PXDNL: variants seen among roughly 807,000 people sequenced by gnomAD.
PXDNL encodes the protein peroxidasin like, also known as probable oxidoreductase PXDNL.
In PXDNL, 145 loss-of-function variants were observed where a neutral mutation model predicts 150.8. The observed-to-expected ratio is 0.96, with a 90% CI of 0.84 to 1.10. The LOEUF is 1.10. Ranked by LOEUF, PXDNL falls within the 50% of genes least tolerant of loss-of-function variation. The pLI, the probability that PXDNL is intolerant of heterozygous loss-of-function variation, is 0.00. For missense variants in PXDNL, 2,087 were observed against 1,873.9 expected (o/e 1.11, Z -2.10); for synonymous variants, 757 against 725.7 (o/e 1.04, Z -0.69).
intron 3 of PXDNL, among the ~76,000 whole-genome samples, chr8:51,583,138 G>A (rs1813245750): frequency 6.6e-6 from 1 of 152,138 alleles, no homozygotes; most frequent in Admixed American, 6.5e-5. Context: ...TATTTTTTAG[G>A]TGATTGTGTT....
intron 17 of PXDNL, among the ~76,000 whole-genome samples, chr8:51,392,175 T>C (rs1204515759): frequency 1.3e-5 from 2 of 152,244 alleles, no homozygotes; most frequent in African/African-American, 4.8e-5. Context: ...GGTAGTGTGA[T>C]GCCTCCAGCT....
chr8:51,764,920 G>T (rs1489128875), intron 1 of PXDNL, among the ~76,000 whole-genome samples: 1 of 152,098 alleles, frequency 6.6e-6, no homozygotes, highest in Non-Finnish European at 1.5e-5. Flanking sequence ...TATTACTGTT[G>T]AATTGTCTTC....
intron 17 of PXDNL, among the ~76,000 whole-genome samples, chr8:51,406,017 C>T (rs146287022): frequency 5.9e-5 from 9 of 152,318 alleles, no homozygotes; most frequent in African/African-American, 1.9e-4. Context: ...AGCTGCTGTC[C>T]GTCTGAAAGG....
At chr8:51,799,174 G>T (rs2037593101) in intron 1 of PXDNL, among the ~76,000 whole-genome samples, 2 of 152,128 alleles carry the variant, frequency 1.3e-5, no homozygotes, top group Non-Finnish European at 1.5e-5. Flanking sequence ...ACTTATAAGT[G>T]GGAGCTGAAC....
At chr8:51,475,917 C>A (rs1810463224) in intron 6 of PXDNL, among the ~76,000 whole-genome samples, 1 of 152,040 alleles carries the variant, frequency 6.6e-6, no homozygotes, top group African/African-American at 2.4e-5. Context: ...TTACTTCATT[C>A]TTTTTTATGG....
At chr8:51,570,476 T>C (rs1812910708) in intron 3 of PXDNL, among the ~76,000 whole-genome samples, 1 of 151,940 alleles carries the variant, frequency 6.6e-6, no homozygotes, top group Admixed American at 6.6e-5. Context: ...CCTGACATTA[T>C]ACTTTTTAAA....
intron 2 of PXDNL, among the ~76,000 whole-genome samples, chr8:51,619,664 C>A (rs975266552): frequency 2.6e-5 from 4 of 152,182 alleles, no homozygotes; most frequent in African/African-American, 9.7e-5. Context: ...GCCTTCTCCC[C>A]CTTAGCCTTC....
At chr8:51,403,145 G>A (rs943986384) in intron 17 of PXDNL, among the ~76,000 whole-genome samples, 12 of 150,062 alleles carry the variant, frequency 8.0e-5, no homozygotes, top group African/African-American at 2.2e-4. Flanking sequence ...TGATTCTTGA[G>A]AGCAAGAATA....
intron 8 of PXDNL, among the ~76,000 whole-genome samples, chr8:51,465,816 A>G (rs1307278160): frequency 1.3e-5 from 2 of 152,194 alleles, no homozygotes; most frequent in African/African-American, 4.8e-5. Flanking sequence ...AAAAAGAAAA[A>G]ATATCTAGAA....
chr8:51,614,297 T>G (rs1490758442), intron 2 of PXDNL, among the ~76,000 whole-genome samples: 3 of 152,218 alleles, frequency 2.0e-5, no homozygotes, highest in East Asian at 3.9e-4. Context: ...GCCTAAAGGT[T>G]TCTTCGTACA....
chr8:51,571,410 G>A (rs1239401496), intron 3 of PXDNL, among the ~76,000 whole-genome samples: 3 of 151,700 alleles, frequency 2.0e-5, no homozygotes, highest in Non-Finnish European at 4.4e-5. Flanking sequence ...AATTTGATAA[G>A]AATTTTATGT....
intron 19 of PXDNL, among the ~76,000 whole-genome samples, chr8:51,369,392 G>T (rs577331708): frequency 6.6e-6 from 1 of 152,338 alleles, no homozygotes; most frequent in South Asian, 2.1e-4. Context: ...GGAAGTGTAA[G>T]AAGCCCATCC....
intron 2 of PXDNL, among the ~76,000 whole-genome samples, chr8:51,646,538 A>T (rs1814922353): frequency 6.6e-6 from 1 of 152,110 alleles, no homozygotes; most frequent in Non-Finnish European, 1.5e-5. Context: ...TACCCACGAG[A>T]TGGGGCACTT....
chr8:51,530,394 G>A (rs1341050775), intron 4 of PXDNL, among the ~76,000 whole-genome samples: 4 of 151,760 alleles, frequency 2.6e-5, no homozygotes, highest in Non-Finnish European at 5.9e-5. Context: ...TGCTCCTCCA[G>A]GTCCCTGGCC....
chr8:51,534,974 T>G (rs373829803), intron 4 of PXDNL, among the ~76,000 whole-genome samples: 2 of 92,778 alleles, frequency 2.2e-5, no homozygotes, highest in East Asian at 3.7e-4. Flanking sequence ...GGTGGGGGGG[T>G]CAGCCCCCCG....
At chr8:51,339,794 AG>A in intron 20 of PXDNL, 41 bp from the exon 21 acceptor site, 1 of 1,572,568 alleles carries the variant, frequency 6.4e-7, no homozygotes, top group Non-Finnish European at 8.6e-7. Context: ...GAAAAATAAA[AG>A]TCGTGTGAGA....
At chr8:51,449,785 G>C (rs900974840) in intron 10 of PXDNL, among the ~76,000 whole-genome samples, 1 of 152,164 alleles carries the variant, frequency 6.6e-6, no homozygotes, top group Non-Finnish European at 1.5e-5. Context: ...CCCCAGTAAC[G>C]CCTAAGTGAT....
chr8:51,527,190 T>G (rs1237379083), intron 4 of PXDNL, among the ~76,000 whole-genome samples: 4 of 152,206 alleles, frequency 2.6e-5, no homozygotes, highest in Non-Finnish European at 5.9e-5. Flanking sequence ...GCCAGACACC[T>G]GAGCTTGCCA....
intron 4 of PXDNL, among the ~76,000 whole-genome samples, chr8:51,541,359 A>G (rs897349890): frequency 6.6e-6 from 1 of 152,132 alleles, no homozygotes; most frequent in Non-Finnish European, 1.5e-5. Context: ...AAGCAAGCCC[A>G]GAATGATCTT....
Sources: gnomAD v4.1 joint callset for allele counts (sites outside exome capture counted in the v4.1 genomes callset) on GRCh38, gnomAD v4.1.1 for gene constraint, MANE v1.5 for transcripts, NCBI Gene and HGNC (gene_info 2026-07-23, HGNC 2026-07-21) for gene names.